The following FNDC3B variants were observed in gnomAD, a reference collection of about 807,000 sequenced individuals.
The protein encoded by FNDC3B is fibronectin type III domain-containing protein 3B.
FNDC3B carries 12 observed loss-of-function variants against 151.5 expected under a neutral mutation model. That is an observed-to-expected ratio of 0.08 (90% CI 0.05 to 0.13). The LOEUF (loss-of-function observed/expected upper bound fraction) is 0.13, where lower values mean the gene tolerates loss of function less well. Among genes scored for constraint, FNDC3B ranks in the 10% least tolerant of loss-of-function variants. FNDC3B has a pLI of 1.00. For missense variants in FNDC3B, 1,214 were observed against 1,505.3 expected, an observed-to-expected ratio of 0.81 and a Z score of 3.20; for synonymous variants, 528 against 549.0, an observed-to-expected ratio of 0.96 and a Z score of 0.54.
At chr3:172,196,849 T>C (rs1307708974) in intron 3 of FNDC3B, among the ~76,000 whole-genome samples, 1 of 152,130 alleles carries the variant, frequency 6.6e-6, no homozygotes, top group Non-Finnish European at 1.5e-5. Context: ...TGTATTTGGG[T>C]TAAATATATG....
At chr3:172,257,683 A>G (rs1457319897) in intron 6 of FNDC3B, among the ~76,000 whole-genome samples, 2 of 152,034 alleles carry the variant, frequency 1.3e-5, no homozygotes, top group Admixed American at 6.6e-5. Flanking sequence ...ACCCTCCACA[A>G]GGCTTTCCCA....
chr3:172,052,448 G>T (rs182547490), intron 1 of FNDC3B, among the ~76,000 whole-genome samples: 1 of 152,270 alleles, frequency 6.6e-6, no homozygotes, highest in African/African-American at 2.4e-5. Context: ...TCCCCCAAAT[G>T]TGCCTTGCTG....
At chr3:172,331,760 C>G (rs1038394779) in intron 13 of FNDC3B, among the ~76,000 whole-genome samples, 4 of 152,172 alleles carry the variant, frequency 2.6e-5, no homozygotes, top group Non-Finnish European at 4.4e-5. Flanking sequence ...GTCTTTGACT[C>G]CCTTCCCTCA....
At chr3:172,222,698 T>C (rs1726346020) in intron 3 of FNDC3B, among the ~76,000 whole-genome samples, 1 of 152,160 alleles carries the variant, frequency 6.6e-6, no homozygotes, top group Admixed American at 6.5e-5. Flanking sequence ...GCTGCCGATC[T>C]GACAGGAGGC....
intron 14 of FNDC3B, among the ~76,000 whole-genome samples, chr3:172,333,890 C>T (rs1169351276): frequency 6.6e-6 from 1 of 152,038 alleles, no homozygotes; most frequent in African/African-American, 2.4e-5. Context: ...TTCCATGACC[C>T]ACCCCCTCCC....
chr3:172,100,686 C>T (rs557080864), intron 1 of FNDC3B, among the ~76,000 whole-genome samples: 32 of 152,164 alleles, frequency 2.1e-4, no homozygotes, highest in Non-Finnish European at 3.5e-4. Flanking sequence ...ATTTCTGTTT[C>T]GGTCTCTTCT....
At chr3:172,054,897 A>G (rs535348353) in intron 1 of FNDC3B, among the ~76,000 whole-genome samples, 3 of 152,334 alleles carry the variant, frequency 2.0e-5, no homozygotes, top group African/African-American at 4.8e-5. Context: ...TTAAGAGTAC[A>G]TAGTTTCTTA....
At chr3:172,364,853 T>C (rs1022594170) in intron 23 of FNDC3B, among the ~76,000 whole-genome samples, 4 of 152,240 alleles carry the variant, frequency 2.6e-5, no homozygotes, top group Admixed American at 1.3e-4. Context: ...TTAGGAACAG[T>C]ATTTTTCTTA....
chr3:172,181,395 CAAAAAAAA>C (rs755223783), intron 3 of FNDC3B, among the ~76,000 whole-genome samples: 6 of 71,532 alleles, frequency 8.4e-5, no homozygotes, highest in South Asian at 6.3e-4. Flanking sequence ...ACTCTGTCTC[CAAAAAAAA>C]AAAAAAAAAA....
intron 1 of FNDC3B, among the ~76,000 whole-genome samples, chr3:172,048,723 A>C (rs973521703): frequency 2.0e-5 from 3 of 152,218 alleles, no homozygotes; most frequent in African/African-American, 7.2e-5. Context: ...ATGGATAAAC[A>C]AAATATGGTA....
chr3:172,354,226 T>A (rs576804460), intron 22 of FNDC3B, among the ~76,000 whole-genome samples: 3 of 152,166 alleles, frequency 2.0e-5, no homozygotes, highest in Non-Finnish European at 4.4e-5. Context: ...TTTCTGTTTA[T>A]ATACAAATAG....
chr3:172,347,471 G>C, intron 21 of FNDC3B, 110 bp downstream of exon 21: 1 of 731,360 alleles, frequency 1.4e-6, no homozygotes, highest in East Asian at 3.0e-5. Context: ...GGGATGATAT[G>C]GAAAAAAAGA....
intron 1 of FNDC3B, among the ~76,000 whole-genome samples, chr3:172,079,180 A>G (rs572426869): frequency 6.6e-5 from 10 of 152,288 alleles, no homozygotes; most frequent in African/African-American, 2.4e-4. Context: ...AAAAATATGA[A>G]TTCATCATTA....
At chr3:172,087,465 G>A (rs916599765) in intron 1 of FNDC3B, among the ~76,000 whole-genome samples, 2 of 152,104 alleles carry the variant, frequency 1.3e-5, no homozygotes, top group African/African-American at 4.8e-5. Context: ...CGTTAAAAGA[G>A]CTTATAACTT....
intron 3 of FNDC3B, among the ~76,000 whole-genome samples, chr3:172,206,462 C>T (rs1471724309): frequency 6.6e-6 from 1 of 151,860 alleles, no homozygotes; most frequent in Non-Finnish European, 1.5e-5. Flanking sequence ...AGTTTGAGAC[C>T]AGCTTGGCCC....
chr3:172,256,739 G>T lies in FNDC3B; in HGVS notation c.790+5198G>T, dbSNP rs1728363790. On this transcript the variant is annotated intron_variant, in intron 6 of 25. Transcript: ENST00000415807. ...GTTATAGCCCCTCAGAAAGCAGTTA[G>T]GTTATCTGCTAATATTGTTATAGAA... Among the ~76,000 whole-genome samples the T allele has an allele frequency of 2.6e-5, 4 of 152,244 alleles. No homozygotes were observed. In the South Asian group the frequency reaches 8.3e-4, roughly 32 times the overall value.
chr3:172,286,624 T>C (rs919155030), intron 7 of FNDC3B, among the ~76,000 whole-genome samples: 1 of 152,058 alleles, frequency 6.6e-6, no homozygotes, highest in Admixed American at 6.5e-5. Flanking sequence ...AACAGAAGAG[T>C]CCAAACATGC....
chr3:172,231,651 A>C (rs910265649), intron 4 of FNDC3B, among the ~76,000 whole-genome samples: 1 of 152,150 alleles, frequency 6.6e-6, no homozygotes, highest in Non-Finnish European at 1.5e-5. Flanking sequence ...CTGTCTTTAC[A>C]TATGAGGATG....
chr3:172,046,255 G>T (rs1716364204), intron 1 of FNDC3B, among the ~76,000 whole-genome samples: 1 of 152,180 alleles, frequency 6.6e-6, no homozygotes, highest in Non-Finnish European at 1.5e-5. Context: ...TTAGCATTCT[G>T]TAAGTGTTGG....
Sources: allele counts gnomAD v4.1 joint callset (sites outside exome capture counted in the v4.1 genomes callset), GRCh38; gene constraint gnomAD v4.1.1; transcripts MANE v1.5; gene names NCBI Gene and HGNC (gene_info 2026-07-23, HGNC 2026-07-21).